The following SPATS2L variants were observed in gnomAD, a reference collection of about 807,000 sequenced individuals.
SPATS2L encodes spermatogenesis associated serine rich 2 like.
SPATS2L carries 30 observed loss-of-function variants against 59.6 expected under a neutral mutation model. That is an observed-to-expected ratio of 0.50 (90% confidence interval 0.38 to 0.68). The LOEUF (loss-of-function observed/expected upper bound fraction) is 0.68, where lower values mean the gene tolerates loss of function less well. Ranked by LOEUF, SPATS2L falls within the 30% of genes least tolerant of loss-of-function variation. The probability of loss-of-function intolerance (pLI) is 0.00; values close to 1 mark genes in which losing one functional copy is unlikely to be tolerated. For synonymous variants in SPATS2L, 252 were observed against 263.5 expected (o/e 0.96, Z 0.42); for missense variants, 615 against 700.0 (o/e 0.88, Z 1.37).
intron 3 of SPATS2L, among the ~76,000 whole-genome samples, chr2:200,406,078 T>C (rs114939419): frequency 0.011 from 1,638 of 152,338 alleles, 28 homozygotes; most frequent in African/African-American, 0.037. Context: ...TACAAACATT[T>C]ATGAATCATC....
chr2:200,394,648 A>G (rs182431811), intron 3 of SPATS2L, among the ~76,000 whole-genome samples: 1 of 152,188 alleles, frequency 6.6e-6, no homozygotes, highest in African/African-American at 2.4e-5. Context: ...TTCATTTCCC[A>G]TTTACGATGT....
intron 2 of SPATS2L, among the ~76,000 whole-genome samples, chr2:200,360,004 T>G (rs1390760098): frequency 2.0e-5 from 3 of 152,232 alleles, no homozygotes; most frequent in Non-Finnish European, 4.4e-5. Context: ...TAACATCTTT[T>G]TCCATATCTT....
rs2083031993 is a variant in SPATS2L, at chr2:200,415,719, G to A, written c.149-660G>A. ...TATAATTTGAATATAATTTAATTAGGTATCTTCTCTGAGTCAGTGCAGTTC... is the reference window on the plus strand; with the variant it reads ...TATAATTTGAATATAATTTAATTAGATATCTTCTCTGAGTCAGTGCAGTTC... On this transcript the variant is annotated intron_variant, in intron 4 of 12. Coordinates refer to ENST00000409140, the MANE Select transcript of SPATS2L (RefSeq NM_001100423.2). Among the ~76,000 whole-genome samples, 4 of 152,010 alleles carry A rather than the reference G, an allele frequency of 2.6e-5. No individual in the cohort carries two copies. The South Asian group carries it at 8.3e-4, about 32-fold the overall frequency.
intron 2 of SPATS2L, among the ~76,000 whole-genome samples, chr2:200,378,533 A>G (rs565959182): frequency 6.6e-6 from 1 of 152,180 alleles, no homozygotes; most frequent in Non-Finnish European, 1.5e-5. Flanking sequence ...AAGGCAGTAC[A>G]TCATATACTG....
At chr2:200,458,462 T>C (rs927319875) in intron 8 of SPATS2L, among the ~76,000 whole-genome samples, 7 of 152,048 alleles carry the variant, frequency 4.6e-5, no homozygotes, top group Admixed American at 1.3e-4. Context: ...CCTAAGAAAA[T>C]AAAACCTGAA....
Position 200,371,620 on chromosome 2 carries a change from G to A in SPATS2L, c.-22-17603G>A, listed in dbSNP as rs1173888197. Among the ~76,000 whole-genome samples the A allele has an allele frequency of 3.3e-5, 5 of 152,208 alleles. No homozygotes were observed. The South Asian group carries it at 6.2e-4, about 19-fold the overall frequency. The stretch of plus-strand genomic sequence containing the variant: ...CCAGACTATGTCAAATGAGGAATAA[G>A]TGCACTCTCAAGAATAAAGTTCTCA... On this transcript the variant is annotated intron_variant, in intron 2 of 12. Transcript: ENST00000409140.
intron 1 of SPATS2L, among the ~76,000 whole-genome samples, chr2:200,328,709 C>CAT (rs775051692): frequency 6.6e-6 from 1 of 152,170 alleles, no homozygotes; most frequent in Non-Finnish European, 1.5e-5. Context: ...GCATTAGAGA[C>CAT]ATAGGCATTA....
intron 2 of SPATS2L, among the ~76,000 whole-genome samples, chr2:200,366,172 A>G (rs1000402595): frequency 6.6e-6 from 1 of 152,210 alleles, no homozygotes; most frequent in Admixed American, 6.5e-5. Context: ...CCATAAATCA[A>G]CAATCATATC....
At chr2:200,451,720 C>T (rs2085457510) in intron 8 of SPATS2L, among the ~76,000 whole-genome samples, 1 of 152,074 alleles carries the variant, frequency 6.6e-6, no homozygotes, top group Admixed American at 6.5e-5. Flanking sequence ...ATTTCTGGCA[C>T]TTCTTGTACT....
chr2:200,326,658 T>C (rs2079754720), intron 1 of SPATS2L, among the ~76,000 whole-genome samples: 1 of 152,178 alleles, frequency 6.6e-6, no homozygotes. Context: ...CAGGTTACTT[T>C]GGTAGAAACA....
chr2:200,340,989 T>G (rs2080305640), intron 2 of SPATS2L, among the ~76,000 whole-genome samples: 1 of 152,224 alleles, frequency 6.6e-6, no homozygotes, highest in Admixed American at 6.5e-5. Flanking sequence ...AAGATAAGGA[T>G]AGCGCTTGTG....
chr2:200,425,630 C>G (rs1335672721), intron 6 of SPATS2L, among the ~76,000 whole-genome samples: 1 of 152,188 alleles, frequency 6.6e-6, no homozygotes, highest in African/African-American at 2.4e-5. Flanking sequence ...AGCTCAGCAT[C>G]TGGAATCGGG....
chr2:200,342,247 G>A (rs17447138), intron 2 of SPATS2L, among the ~76,000 whole-genome samples: 16,535 of 152,194 alleles, frequency 0.11, 951 homozygotes, highest in Non-Finnish European at 0.13. Flanking sequence ...GGATAGACCA[G>A]TGGAAGAGAG....
At chr2:200,329,841 A>G (rs1035004385) in intron 2 of SPATS2L, among the ~76,000 whole-genome samples, 12 of 151,784 alleles carry the variant, frequency 7.9e-5, no homozygotes, top group African/African-American at 1.2e-4. Flanking sequence ...AATTATGGCT[A>G]AGAGTGGTGG....
intron 11 of SPATS2L, 23 bp downstream of exon 11, chr2:200,470,039 A>G: frequency 6.4e-7 from 1 of 1,568,332 alleles, no homozygotes; most frequent in African/African-American, 1.4e-5. Flanking sequence ...TATTTGCTGA[A>G]TAATTCTGTG....
chr2:200,384,109 A>G (rs2081913827), intron 2 of SPATS2L: 1 of 588,524 alleles, frequency 1.7e-6, no homozygotes, highest in Non-Finnish European at 2.2e-6. Flanking sequence ...ACTCATACAT[A>G]TTAAAATTTG....
intron 3 of SPATS2L, among the ~76,000 whole-genome samples, chr2:200,396,068 T>TATATATATGTATA (rs58104978): frequency 7.9e-5 from 2 of 25,172 alleles, no homozygotes; most frequent in African/African-American, 2.8e-4. Flanking sequence ...ATATATATAT[T>TATATATATGTATA]TTCCCATAGA....
In SPATS2L at chr2:200,478,999, GT is replaced by G. The variant is rs1331704830; in HGVS notation, c.*970del. 6.6e-6 allele frequency: 1 copy of G among 152,390 alleles called. No individual in the cohort carries two copies. Among genetic ancestry groups the G allele is most frequent in the Non-Finnish European group, 1.5e-5 (1 of 68,352 alleles). 9.4% of individuals were successfully genotyped at this position (152,390 alleles called of 1,614,324 possible). On this transcript the variant is annotated 3_prime_UTR_variant, in exon 13 of 13. Transcript: ENST00000409140. The stretch of plus-strand genomic sequence containing the variant: ...GCTCACTGCAACCTCCGCCTCCTGG[GT>G]TCAAGCCATTCTCCTGCCCGGCCTT...
At chr2:200,386,153 C>T (rs1006696604) in intron 2 of SPATS2L, among the ~76,000 whole-genome samples, 3 of 152,084 alleles carry the variant, frequency 2.0e-5, no homozygotes, top group African/African-American at 7.2e-5. Flanking sequence ...TATTGGAACC[C>T]ACCTGGAAGA....
Sources: gnomAD v4.1 joint callset for allele counts (sites outside exome capture counted in the v4.1 genomes callset) on GRCh38, gnomAD v4.1.1 for gene constraint, MANE v1.5 for transcripts, NCBI Gene and HGNC (gene_info 2026-07-23, HGNC 2026-07-21) for gene names.